The following FAM117B variants were observed in gnomAD, a reference collection of about 807,000 sequenced individuals.
The protein encoded by FAM117B is protein FAM117B.
A neutral mutation model predicts 52.8 loss-of-function variants in FAM117B; 22 were observed. That is an observed-to-expected ratio of 0.42 (90% CI 0.30 to 0.59). The LOEUF (loss-of-function observed/expected upper bound fraction) is 0.59. Among genes scored for constraint, FAM117B ranks in the 20% least tolerant of loss-of-function variants. FAM117B has a pLI of 0.22. For synonymous variants in FAM117B, 309 were observed against 324.1 expected (o/e 0.95, Z 0.50); for missense variants, 678 against 802.6 (o/e 0.84, Z 1.88).
rs556979899 is a variant in FAM117B at position 202,637,873 on chromosome 2, CTTTTTTT to C, written c.601+2100_601+2106del. Among the ~76,000 whole-genome samples, 922 of 130,734 alleles carry C rather than the reference CTTTTTTT, an allele frequency of 7.1e-3. 4 individuals are homozygous for C. The highest frequency in any genetic ancestry group is 0.013 in the Admixed American group (166 of 12,762). The allele number at this position is 130,734 out of a possible 152,430, so 85.8% of individuals were successfully genotyped here. A position where few individuals can be genotyped will look rare whatever the true frequency, so the allele number is the denominator to read the frequency against. On this transcript the variant is annotated intron_variant, in intron 1 of 7. Coordinates refer to ENST00000392238, the MANE Select transcript of FAM117B (RefSeq NM_173511.4). ...AAATTACATGTACTTAGTTAGGTAACTTTTTTTTTTTTTTTTTTTTTAAGATGGAGTC... is the reference window on the plus strand; with the variant it reads ...AAATTACATGTACTTAGTTAGGTAACTTTTTTTTTTTTTTAAGATGGAGTC...
chr2:202,755,544 G>C lies in FAM117B; in HGVS notation c.967G>C (p.Val323Leu), dbSNP rs773785608. Residue 323 changes from valine to leucine, a missense_variant, in exon 5 of 8, where the codon GTT becomes CTT. By Grantham distance (32) the Val-to-Leu change is conservative. This residue lies in a region of FAM117B where 583 missense variants were observed against 644.8 expected (regional missense o/e 0.90). Transcript: ENST00000392238. Reference protein sequence around the residue: ...HAAINQCQAPVPKSALIPVIP... With the variant: ...HAAINQCQAPLPKSALIPVIP... ...TCCATCCCATTTTCTTAAGGCTCCT[G>C]TTCCAAAGAGTGCACTTATTCCTGT... 6.2e-6 allele frequency: 10 copies of C among 1,613,896 alleles called. No individual in the cohort carries two copies. In the South Asian group the frequency reaches 8.8e-5, roughly 14 times the overall value.
chr2:202,672,934 G>C (rs889555971), intron 1 of FAM117B, among the ~76,000 whole-genome samples: 2 of 152,138 alleles, frequency 1.3e-5, no homozygotes, highest in Non-Finnish European at 2.9e-5. Flanking sequence ...TGTAGTTCCA[G>C]CTACTCTGGA....
intron 4 of FAM117B, 100 bp from the exon 5 acceptor site, chr2:202,755,438 T>C: frequency 6.9e-7 from 1 of 1,439,238 alleles, no homozygotes; most frequent in Admixed American, 2.1e-5. Context: ...CTGTAAACTT[T>C]GATTTATTTT....
At chr2:202,669,651 A>G (rs1342183884) in intron 1 of FAM117B, among the ~76,000 whole-genome samples, 3 of 152,224 alleles carry the variant, frequency 2.0e-5, no homozygotes, top group Non-Finnish European at 2.9e-5. Flanking sequence ...CATTGTTTCA[A>G]GTGGGATTTT....
In FAM117B at chr2:202,667,654, C is replaced by T. The variant is rs1322554918; in HGVS notation, c.602-28227C>T. ...GTTTTAGACCAATCTCAAGATAAAC[C>T]TTAGCCATTTGGCCCCACTAGATAG... On this transcript the variant is annotated intron_variant, in intron 1 of 7. Coordinates refer to ENST00000392238, the MANE Select transcript of FAM117B (RefSeq NM_173511.4). Among the ~76,000 whole-genome samples the T allele has an allele frequency of 3.9e-5, 6 of 151,996 alleles. No homozygotes were observed. The East Asian group carries it at 1.2e-3, about 29-fold the overall frequency.
chr2:202,643,873 C>T (rs1689810699), intron 1 of FAM117B, among the ~76,000 whole-genome samples: 1 of 151,986 alleles, frequency 6.6e-6, no homozygotes, highest in South Asian at 2.1e-4. Flanking sequence ...CCATTCCCTG[C>T]TAATTTTTGT....
At chr2:202,650,449 T>C (rs1266771912) in intron 1 of FAM117B, among the ~76,000 whole-genome samples, 7 of 152,036 alleles carry the variant, frequency 4.6e-5, no homozygotes, top group Admixed American at 4.6e-4. Context: ...TATGGAAAAT[T>C]TGGACGATAA....
At chr2:202,682,238 G>A (rs184777634) in intron 1 of FAM117B, among the ~76,000 whole-genome samples, 30 of 152,280 alleles carry the variant, frequency 2.0e-4, no homozygotes, top group South Asian at 1.5e-3. Flanking sequence ...CAGATGCCAC[G>A]AATGTGGGTG....
chr2:202,730,701 T>C (rs1216930860), intron 4 of FAM117B, among the ~76,000 whole-genome samples: 2 of 152,152 alleles, frequency 1.3e-5, no homozygotes, highest in East Asian at 3.9e-4. Flanking sequence ...AAAAATGAAA[T>C]AGGATTTTAG....
At chr2:202,673,790 C>A (rs1278320897) in intron 1 of FAM117B, among the ~76,000 whole-genome samples, 4 of 152,126 alleles carry the variant, frequency 2.6e-5, no homozygotes, top group African/African-American at 9.7e-5. Context: ...TTTATCTCTT[C>A]ATAAAGAGCC....
chr2:202,715,648 G>A (rs953792954), intron 2 of FAM117B, among the ~76,000 whole-genome samples: 8 of 152,190 alleles, frequency 5.3e-5, no homozygotes, highest in African/African-American at 9.7e-5. Context: ...TGGGCGGCCA[G>A]GCAGAGACGC....
chr2:202,701,879 TGTG>T (rs968929739), intron 2 of FAM117B, among the ~76,000 whole-genome samples: 7 of 152,326 alleles, frequency 4.6e-5, no homozygotes, highest in Admixed American at 3.3e-4. Context: ...CTGGTGAAGA[TGTG>T]GTGAATATTG....
intron 2 of FAM117B, among the ~76,000 whole-genome samples, chr2:202,698,831 A>G (rs757804835): frequency 6.6e-5 from 10 of 152,216 alleles, no homozygotes; most frequent in Non-Finnish European, 1.3e-4. Flanking sequence ...TACGGTGTCC[A>G]CTTGCTTTCT....
At chr2:202,647,013 T>G (rs374428706) in intron 1 of FAM117B, among the ~76,000 whole-genome samples, 6 of 152,306 alleles carry the variant, frequency 3.9e-5, no homozygotes, top group African/African-American at 1.4e-4. Flanking sequence ...TAAGCTTAGC[T>G]TACCTTTCTT....
At chr2:202,741,758 G>A (rs748598629) in intron 4 of FAM117B, among the ~76,000 whole-genome samples, 15 of 152,080 alleles carry the variant, frequency 9.9e-5, no homozygotes, top group Middle Eastern at 3.4e-3. Context: ...GGATGGTCTC[G>A]ATCTCCTGAC....
intron 4 of FAM117B, among the ~76,000 whole-genome samples, chr2:202,740,793 G>T (rs1461789774): frequency 6.6e-6 from 1 of 151,986 alleles, no homozygotes; most frequent in Admixed American, 6.6e-5. Context: ...GGCTATGGAG[G>T]TCATTTGACT....
rs1453369298 is a variant in FAM117B, at chr2:202,766,521, T to C, written c.*757T>C. ...TTTGTATAACTGCTGTTTTCTTCAC[T>C]ACTCCTGTACACATTTCACCATGTG... On this transcript the variant is annotated 3_prime_UTR_variant, in exon 8 of 8. Transcript: ENST00000392238. 2.0e-5 allele frequency: 3 copies of C among 152,708 alleles called. No individual in the cohort carries two copies. Among genetic ancestry groups the C allele is most frequent in the African/African-American group, 7.2e-5 (3 of 41,478 alleles). The allele number at this position is 152,708 out of a possible 1,614,324, so 9.5% of individuals were successfully genotyped here. A position where few individuals can be genotyped will look rare whatever the true frequency, so the allele number is the denominator to read the frequency against.
At chr2:202,704,087 C>T (rs1216930065) in intron 2 of FAM117B, among the ~76,000 whole-genome samples, 1 of 152,134 alleles carries the variant, frequency 6.6e-6, no homozygotes, top group African/African-American at 2.4e-5. Flanking sequence ...GCTTACTGGC[C>T]ATTTGCATAT....
At chr2:202,698,517 G>T (rs926833560) in intron 2 of FAM117B, among the ~76,000 whole-genome samples, 2 of 151,940 alleles carry the variant, frequency 1.3e-5, no homozygotes, top group African/African-American at 4.8e-5. Context: ...CTGCCTCCTG[G>T]GTACAAGCAA....
Sources: allele counts gnomAD v4.1 joint callset (sites outside exome capture counted in the v4.1 genomes callset), GRCh38; gene constraint gnomAD v4.1.1; regional missense constraint gnomAD v4.1.1; transcripts MANE v1.5; gene names NCBI Gene and HGNC (gene_info 2026-07-23, HGNC 2026-07-21).